Variants in PRUNE2 observed in about 807,000 individuals in gnomAD.
PRUNE2 encodes protein prune homolog 2.
PRUNE2 carries 164 observed loss-of-function variants against 252.0 expected under a neutral mutation model. The observed-to-expected ratio is 0.65, with a 90% confidence interval of 0.57 to 0.74. The LOEUF (loss-of-function observed/expected upper bound fraction) is 0.74. Among genes scored for constraint, PRUNE2 ranks in the 30% least tolerant of loss-of-function variants. PRUNE2 has a pLI of 0.00. For synonymous variants in PRUNE2, 1,292 were observed against 1,350.2 expected (o/e 0.96, Z 0.94); for missense variants, 3,495 against 3,711.0 (o/e 0.94, Z 1.51).
At chr9:76,780,072 G>T (rs2054204842) in intron 6 of PRUNE2, among the ~76,000 whole-genome samples, 1 of 152,148 alleles carries the variant, frequency 6.6e-6, no homozygotes, top group Admixed American at 6.5e-5. Context: ...TTAAGGATTT[G>T]TCTTTGTTGC....
At chr9:76,656,070 TAA>T (rs774883447) in intron 9 of PRUNE2, among the ~76,000 whole-genome samples, 1 of 152,218 alleles carries the variant, frequency 6.6e-6, no homozygotes, top group African/African-American at 2.4e-5. Flanking sequence ...TTTGAATATT[TAA>T]AGAGTCACTG....
intron 4 of PRUNE2, among the ~76,000 whole-genome samples, chr9:76,833,131 T>C (rs930529366): frequency 1.3e-5 from 2 of 152,154 alleles, no homozygotes; most frequent in African/African-American, 4.8e-5. Flanking sequence ...TGGAATTATA[T>C]CTTCATTTTA....
At chr9:76,722,125 C>G (rs1252123418) in intron 6 of PRUNE2, among the ~76,000 whole-genome samples, 3 of 151,358 alleles carry the variant, frequency 2.0e-5, no homozygotes, top group Non-Finnish European at 2.9e-5. Flanking sequence ...GTGGTGTGAT[C>G]TCGGCTCACT....
chr9:76,727,037 G>C (rs965293582), intron 6 of PRUNE2, among the ~76,000 whole-genome samples: 1 of 152,096 alleles, frequency 6.6e-6, no homozygotes, highest in African/African-American at 2.4e-5. Flanking sequence ...TTTAGACCAG[G>C]GTTTCTCAAC....
At chr9:76,750,990 G>A (rs2135726805) in intron 6 of PRUNE2, among the ~76,000 whole-genome samples, 1 of 152,274 alleles carries the variant, frequency 6.6e-6, no homozygotes, top group East Asian at 1.9e-4. Flanking sequence ...CAAGTATAAA[G>A]ATTAAGGAAA....
rs540799587 is a variant in PRUNE2 at position 76,704,470 on chromosome 9, C to G, written c.7513+291G>C. Among the ~76,000 whole-genome samples, 5 of 152,340 alleles carry G rather than the reference C, an allele frequency of 3.3e-5. No individual in the cohort carries two copies. In the South Asian group the frequency reaches 1.0e-3, roughly 32 times the overall value. On this transcript the variant is annotated intron_variant, in intron 8 of 18. Coordinates refer to ENST00000376718, the MANE Select transcript of PRUNE2 (RefSeq NM_015225.3). ...GAACACCTGACATCAGGTGATCCCCCCTCCTTGGCCTCCCAAAGTGCTGAG... is the reference window on the plus strand; with the variant it reads ...GAACACCTGACATCAGGTGATCCCCGCTCCTTGGCCTCCCAAAGTGCTGAG...
chr9:76,842,415 G>C (rs1379907205), intron 4 of PRUNE2, among the ~76,000 whole-genome samples: 2 of 152,118 alleles, frequency 1.3e-5, no homozygotes. Flanking sequence ...TATCATTCAG[G>C]ACACAGGCAT....
chr9:76,882,852 T>A (rs2061870354), intron 1 of PRUNE2, among the ~76,000 whole-genome samples: 1 of 152,176 alleles, frequency 6.6e-6, no homozygotes, highest in African/African-American at 2.4e-5. Context: ...TAATTTTTGT[T>A]TACTTGGGGT....
chr9:76,826,695 C>A lies in PRUNE2; in HGVS notation c.546G>T (p.Glu182Asp). The change falls in exon 5 of 19, where the codon GAG becomes GAT. Residue 182 changes from glutamate to aspartate, a missense_variant. Glu to Asp is a conservative substitution (Grantham distance 45). Transcript: ENST00000376718. ...ILFKWMTMES[E>D]KISEKQEEIL... ...TTTCCTCCTGCTTCTCTGAGATCTT[C>A]TCTGATTCCATGGTCATCCACTTGA... 2 of 1,612,096 alleles carry A rather than the reference C, an allele frequency of 1.2e-6. No homozygotes were observed. Among genetic ancestry groups the A allele is most frequent in the South Asian group, 2.2e-5 (2 of 90,612 alleles).
At chr9:76,619,255 C>A in intron 18 of PRUNE2, 85 bp downstream of exon 18, 1 of 877,924 alleles carries the variant, frequency 1.1e-6, no homozygotes, top group South Asian at 1.4e-5. Context: ...CAGGGTTTAC[C>A]CAGTCCTCAG....
intron 6 of PRUNE2, among the ~76,000 whole-genome samples, chr9:76,771,944 C>A (rs565260833): frequency 6.6e-6 from 1 of 152,162 alleles, no homozygotes; most frequent in Non-Finnish European, 1.5e-5. Flanking sequence ...ACACTAATGG[C>A]GTGGGACTCA....
intron 4 of PRUNE2, among the ~76,000 whole-genome samples, chr9:76,837,366 C>T (rs1041380794): frequency 3.3e-5 from 5 of 151,628 alleles, no homozygotes; most frequent in Admixed American, 6.6e-5. Context: ...TGCTTGAACC[C>T]GGGAGGCAGA....
chr9:76,689,808 G>T (rs535527526), intron 9 of PRUNE2, among the ~76,000 whole-genome samples: 10 of 152,278 alleles, frequency 6.6e-5, no homozygotes, highest in African/African-American at 2.4e-4. Context: ...GTAAACTCAA[G>T]AAGTGAATCC....
At chr9:76,703,201 T>C (rs1012994425) in intron 9 of PRUNE2, 136 bp downstream of exon 9, 2 of 670,806 alleles carry the variant, frequency 3.0e-6, no homozygotes, top group East Asian at 2.8e-5. Context: ...CTTTTACTGA[T>C]GGTGTGCCTT....
intron 4 of PRUNE2, among the ~76,000 whole-genome samples, chr9:76,839,831 G>C (rs1186319470): frequency 6.6e-6 from 1 of 152,184 alleles, no homozygotes; most frequent in East Asian, 1.9e-4. Context: ...TCTAGATGGA[G>C]GGTCAGCAGG....
At chr9:76,627,319 C>T (rs1835350915) in intron 16 of PRUNE2, among the ~76,000 whole-genome samples, 1 of 151,598 alleles carries the variant, frequency 6.6e-6, no homozygotes, top group African/African-American at 2.4e-5. Context: ...ACCATGTTGC[C>T]CAGGCTGGTC....
At chr9:76,875,223 C>T (rs1403332493) in intron 1 of PRUNE2, among the ~76,000 whole-genome samples, 2 of 151,952 alleles carry the variant, frequency 1.3e-5, no homozygotes, top group African/African-American at 2.4e-5. Context: ...TCACTTTTTT[C>T]TGTGAAATCT....
chr9:76,862,036 G>C (rs1404692549), intron 1 of PRUNE2: 1 of 152,154 alleles, frequency 6.6e-6, no homozygotes, highest in South Asian at 2.1e-4. Context: ...GTTCCTTCTA[G>C]CTGAAACAGG....
In PRUNE2 at chr9:76,664,094, C is replaced by T. The variant is rs150933151; in HGVS notation, c.8277-8592G>A. 2.8e-3 allele frequency among the ~76,000 whole-genome samples: 420 copies of T among 152,284 alleles called. 1 individual carries two copies. The highest frequency in any genetic ancestry group is 3.4e-3 in the Non-Finnish European group (234 of 68,020). ...TTTCAAAAGGTGGAGCCTAATTTCC[C>T]GTCCCTTAAGTGTGGACTGATGATT... On this transcript the variant is annotated intron_variant, in intron 9 of 18. Transcript: ENST00000376718.
Sources: gnomAD v4.1 joint callset for allele counts (sites outside exome capture counted in the v4.1 genomes callset) on GRCh38, gnomAD v4.1.1 for gene constraint, MANE v1.5 for transcripts, NCBI Gene and HGNC (gene_info 2026-07-23, HGNC 2026-07-21) for gene names.